Variants in KPNA6 observed in about 807,000 individuals in gnomAD.
The protein encoded by KPNA6 is importin subunit alpha-7.
Under a neutral mutation model 72.0 loss-of-function variants are expected in KPNA6, and 9 were observed. The observed-to-expected ratio is 0.13, with a 90% CI of 0.08 to 0.22. KPNA6 has a LOEUF of 0.22. Ranked by LOEUF, KPNA6 falls within the 10% of genes least tolerant of loss-of-function variation. The pLI, the probability that KPNA6 is intolerant of heterozygous loss-of-function variation, is 1.00. For missense variants in KPNA6, 374 were observed against 655.7 expected (o/e 0.57, Z 4.69); for synonymous variants, 219 against 242.1 (o/e 0.90, Z 0.89).
intron 1 of KPNA6, among the ~76,000 whole-genome samples, chr1:32,119,028 A>ATT (rs1197600051): frequency 0.015 from 919 of 63,020 alleles, 15 homozygotes; most frequent in Non-Finnish European, 0.02. Flanking sequence ...ATATATATAT[A>ATT]TATATTTTTT....
chr1:32,122,541 T>C (rs1011553765), intron 1 of KPNA6, among the ~76,000 whole-genome samples: 19 of 151,982 alleles, frequency 1.3e-4, no homozygotes, highest in South Asian at 2.1e-4. Context: ...TTCTAGCACT[T>C]TGGGAGGCTC....
Position 32,171,054 on chromosome 1 carries a change from G to A in KPNA6, c.*160G>A, listed in dbSNP as rs1410519093. Reference sequence around the variant, plus strand: ...ACCTGCTCCGCCCCCTTCCCTGGAGGGAGCACCCTCTGGACAGACAGAACC... The same window carrying A: ...ACCTGCTCCGCCCCCTTCCCTGGAGAGAGCACCCTCTGGACAGACAGAACC... On this transcript the variant is annotated 3_prime_UTR_variant, in exon 14 of 14. Coordinates refer to ENST00000373625, the MANE Select transcript of KPNA6 (RefSeq NM_012316.5). 4.7e-6 allele frequency: 3 copies of A among 637,126 alleles called. No homozygotes were observed. Among genetic ancestry groups the A allele is most frequent in the Non-Finnish European group, 8.1e-6 (3 of 368,308 alleles). 39.5% of individuals were successfully genotyped at this position (637,126 alleles called of 1,614,324 possible). A position where few individuals can be genotyped will look rare whatever the true frequency, so the allele number is the denominator to read the frequency against.
chr1:32,124,032 CA>C (rs771086945), intron 1 of KPNA6, among the ~76,000 whole-genome samples: 4,648 of 43,180 alleles, frequency 0.11, 32 homozygotes, highest in African/African-American at 0.15. Flanking sequence ...GACTCTGTCT[CA>C]AAAAAAAAAA....
At chr1:32,113,558 T>C (rs1190458414) in intron 1 of KPNA6, among the ~76,000 whole-genome samples, 1 of 152,076 alleles carries the variant, frequency 6.6e-6, no homozygotes, top group African/African-American at 2.4e-5. Flanking sequence ...GCTCAAGCAA[T>C]CCTCCTACTT....
intron 1 of KPNA6, among the ~76,000 whole-genome samples, chr1:32,110,078 T>C (rs1355206595): frequency 6.7e-6 from 1 of 150,192 alleles, no homozygotes; most frequent in Non-Finnish European, 1.5e-5. Flanking sequence ...TTTTTTTTTT[T>C]TCTGAGAAGA....
In KPNA6 at chr1:32,157,351, T is replaced by C. The variant is rs766041974; in HGVS notation, c.237T>C (p.Ser79=). 6.2e-7 allele frequency: 1 copy of C among 1,612,478 alleles called. No homozygotes were observed. The highest frequency in any genetic ancestry group is 8.5e-7 in the Non-Finnish European group (1 of 1,178,588). Residue 79 remains serine, a synonymous_variant, in exon 4 of 14, where the codon AGT becomes AGC. Transcript: ENST00000373625. The part of the protein sequence containing the change: ...DSYVSSTTGE[S]VITREMVEML... ...AAACTTGTTTTATGTTCTAGGAGAG[T>C]GTGATCACAAGAGAGATGGTGGAGA...
At chr1:32,131,272 G>A (rs561762364) in intron 1 of KPNA6, among the ~76,000 whole-genome samples, 39 of 152,260 alleles carry the variant, frequency 2.6e-4, no homozygotes, top group African/African-American at 9.1e-4. Flanking sequence ...CCCGCTGGGC[G>A]ACAAGAGCGA....
intron 1 of KPNA6, among the ~76,000 whole-genome samples, chr1:32,126,190 G>A (rs1242877455): frequency 1.3e-5 from 2 of 151,602 alleles, no homozygotes; most frequent in Non-Finnish European, 2.9e-5. Flanking sequence ...CTGGCCCTGA[G>A]AGCCCCTTTG....
intron 9 of KPNA6, 100 bp from the exon 10 acceptor site, chr1:32,163,135 A>G (rs1642271181): frequency 1.3e-6 from 1 of 744,598 alleles, no homozygotes; most frequent in South Asian, 1.5e-5. Flanking sequence ...AAAAAAGGGT[A>G]CAGGTTCCTT....
chr1:32,120,536 C>T (rs1395102718), intron 1 of KPNA6, among the ~76,000 whole-genome samples: 2 of 151,312 alleles, frequency 1.3e-5, no homozygotes, highest in Non-Finnish European at 2.9e-5. Context: ...GCTTAAGCCA[C>T]TGCACCCAGC....
In KPNA6 at chr1:32,162,527, G is replaced by T; in HGVS notation, c.911+3G>T. 6.2e-7 allele frequency: 1 copy of T among 1,613,664 alleles called. No homozygotes were observed. Among genetic ancestry groups the T allele is most frequent in the South Asian group, 1.1e-5 (1 of 91,044 alleles). ...CGGAGATTGGTAGAGCTGCTGATGT[G>T]AGTGGTCTTAGAAGGGGTACAGGTT... On this transcript the variant is annotated splice_donor_region_variant and intron_variant, in intron 9 of 13. Coordinates refer to ENST00000373625, the MANE Select transcript of KPNA6 (RefSeq NM_012316.5).
intron 1 of KPNA6, among the ~76,000 whole-genome samples, chr1:32,116,980 A>C (rs1641338766): frequency 6.6e-6 from 1 of 152,140 alleles, no homozygotes; most frequent in Non-Finnish European, 1.5e-5. Flanking sequence ...GGCTCATGGC[A>C]CCCCAAAACA....
In KPNA6 at chr1:32,171,280, C is replaced by G. The variant is rs181695269; in HGVS notation, c.*386C>G. The G allele has an allele frequency of 1.1e-5, 2 of 177,700 alleles. No homozygotes were observed. Among genetic ancestry groups the G allele is most frequent in the African/African-American group, 4.8e-5 (2 of 41,592 alleles). The allele number at this position is 177,700 out of a possible 1,614,324, so 11.0% of individuals were successfully genotyped here. ...TCAGTGGTGACTTCCTTCCCTTTATCTTTTTTCATTCTTCCCGGTCCTCTG... is the reference window on the plus strand; with the variant it reads ...TCAGTGGTGACTTCCTTCCCTTTATGTTTTTTCATTCTTCCCGGTCCTCTG... On this transcript the variant is annotated 3_prime_UTR_variant, in exon 14 of 14. Coordinates refer to ENST00000373625, the MANE Select transcript of KPNA6 (RefSeq NM_012316.5).
chr1:32,146,187 G>A (rs1641926828), intron 1 of KPNA6, among the ~76,000 whole-genome samples: 1 of 152,284 alleles, frequency 6.6e-6, no homozygotes, highest in Non-Finnish European at 1.5e-5. Flanking sequence ...ATTATTGAAC[G>A]TGGTTCATTA....
chr1:32,129,381 G>A lies in KPNA6; in HGVS notation c.4+21247G>A, dbSNP rs536670757. ...GGGTTTCGCCATGTTGCCCAGGCTG[G>A]TCTTGAATTCCTGGGCTCAAGCAAT... On this transcript the variant is annotated intron_variant, in intron 1 of 13. Transcript: ENST00000373625. Among the ~76,000 whole-genome samples, 59 of 151,966 alleles carry A rather than the reference G, an allele frequency of 3.9e-4. No homozygotes were observed. In the South Asian group the frequency reaches 0.012, roughly 30 times the overall value.
chr1:32,166,203 T>C lies in KPNA6; in HGVS notation c.1089T>C (p.Ile363=), dbSNP rs1194607905. ...AAGCTTGCTGGACTATTTCAAATAT[T>C]ACTGCTGGCAACAGGGCTCAAATAC... ...RKEACWTISN[I]TAGNRAQIQA... is the part of the protein sequence containing the mutation. Residue 363 remains isoleucine (I), a synonymous_variant, in exon 11 of 14, where the codon ATT becomes ATC. Coordinates refer to ENST00000373625, the MANE Select transcript of KPNA6 (RefSeq NM_012316.5). The C allele has an allele frequency of 2.5e-6, 4 of 1,613,918 alleles. No homozygotes were observed. The highest frequency in any genetic ancestry group is 3.4e-6 in the Non-Finnish European group (4 of 1,179,988).
chr1:32,151,531 T>G (rs1642032775), intron 1 of KPNA6, among the ~76,000 whole-genome samples: 1 of 152,208 alleles, frequency 6.6e-6, no homozygotes, highest in East Asian at 1.9e-4. Context: ...CTCGCTGGAA[T>G]GCTGTCTCAG....
intron 1 of KPNA6, 56 bp from the exon 2 acceptor site, chr1:32,154,532 G>A: frequency 1.3e-6 from 2 of 1,586,548 alleles, no homozygotes; most frequent in African/African-American, 1.3e-5. Context: ...GAAGTCTAGT[G>A]AAAAGGAAAT....
chr1:32,164,220 TAGCATGCATC>T (rs1642290999), intron 10 of KPNA6, among the ~76,000 whole-genome samples: 1 of 152,260 alleles, frequency 6.6e-6, no homozygotes, highest in Non-Finnish European at 1.5e-5. Flanking sequence ...GTTCATGTTG[TAGCATGCATC>T]AGAACTCCTT....
Sources: gnomAD v4.1 joint callset for allele counts (sites outside exome capture counted in the v4.1 genomes callset) on GRCh38, gnomAD v4.1.1 for gene constraint, MANE v1.5 for transcripts, NCBI Gene and HGNC (gene_info 2026-07-23, HGNC 2026-07-21) for gene names.